The following LHFPL6 variants were observed in gnomAD, a reference collection of about 807,000 sequenced individuals.
The protein encoded by LHFPL6 is LHFPL tetraspan subfamily member 6 protein.
A neutral mutation model predicts 20.6 loss-of-function variants in LHFPL6; 9 were observed. The ratio of observed to expected loss-of-function variants is 0.44; its 90% CI spans 0.26 to 0.76. The LOEUF (loss-of-function observed/expected upper bound fraction) is 0.76. LHFPL6 is among the 30% of genes least tolerant of loss of function. The probability of loss-of-function intolerance (pLI) is 0.20; values close to 1 mark genes in which losing one functional copy is unlikely to be tolerated. For missense variants in LHFPL6, 218 were observed against 253.5 expected, an observed-to-expected ratio of 0.86 and a Z score of 0.95; for synonymous variants, 105 against 98.7, an observed-to-expected ratio of 1.06 and a Z score of -0.38.
At chr13:39,351,985 A>C (rs1323037592) in intron 3 of LHFPL6, among the ~76,000 whole-genome samples, 1 of 152,164 alleles carries the variant, frequency 6.6e-6, no homozygotes, top group East Asian at 1.9e-4. Context: ...GCTCAATTAA[A>C]CTCCTTTAAA....
At chr13:39,495,845 G>A (rs1364235065) in intron 2 of LHFPL6, among the ~76,000 whole-genome samples, 1 of 143,534 alleles carries the variant, frequency 7.0e-6, no homozygotes, top group Non-Finnish European at 1.5e-5. Flanking sequence ...CCAGGGTTGG[G>A]ACCAGCAGTG....
rs560351169 is a variant in LHFPL6 at position 39,538,806 on chromosome 13, T to C, written c.385+62026A>G. ...GCAACATTATTTTTGAGATATTCAATAAAGAAATTAGAAGTAAAATGTAAG... is the reference window on the plus strand; with the variant it reads ...GCAACATTATTTTTGAGATATTCAACAAAGAAATTAGAAGTAAAATGTAAG... On this transcript the variant is annotated intron_variant, in intron 2 of 3. Coordinates refer to ENST00000379589, the MANE Select transcript of LHFPL6 (RefSeq NM_005780.3). Among the ~76,000 whole-genome samples, 8 of 152,280 alleles carry C rather than the reference T, an allele frequency of 5.3e-5. No individual in the cohort carries two copies. In the South Asian group the frequency reaches 1.5e-3, roughly 28 times the overall value.
At chr13:39,563,546 G>A (rs963269504) in intron 2 of LHFPL6, among the ~76,000 whole-genome samples, 4 of 152,158 alleles carry the variant, frequency 2.6e-5, no homozygotes, top group Non-Finnish European at 4.4e-5. Context: ...AAGCTCACAA[G>A]TCAGCAGTAT....
chr13:39,478,335 T>C (rs1333469482), intron 2 of LHFPL6, among the ~76,000 whole-genome samples: 1 of 152,092 alleles, frequency 6.6e-6, no homozygotes, highest in Non-Finnish European at 1.5e-5. Context: ...TGCTAAATAC[T>C]GGAAATATAA....
chr13:39,545,640 G>T (rs1342919418), intron 2 of LHFPL6, among the ~76,000 whole-genome samples: 8 of 152,052 alleles, frequency 5.3e-5, no homozygotes. Context: ...TGAAGTCCTT[G>T]ATATGAAATG....
chr13:39,532,736 C>G (rs996568797), intron 2 of LHFPL6, among the ~76,000 whole-genome samples: 1 of 152,116 alleles, frequency 6.6e-6, no homozygotes, highest in East Asian at 1.9e-4. Context: ...GTCATTCCAA[C>G]TTATGTTTAG....
intron 2 of LHFPL6, among the ~76,000 whole-genome samples, chr13:39,405,580 C>A (rs558824054): frequency 7.2e-4 from 110 of 152,342 alleles, no homozygotes; most frequent in African/African-American, 2.6e-3. Context: ...CCACAAACTA[C>A]CATTCCTACA....
intron 3 of LHFPL6, among the ~76,000 whole-genome samples, chr13:39,363,632 C>T (rs1049448110): frequency 1.3e-5 from 2 of 152,118 alleles, no homozygotes; most frequent in African/African-American, 2.4e-5. Flanking sequence ...CAGGGCTTTC[C>T]CATGTCTCTT....
At chr13:39,407,950 G>T (rs1490857867) in intron 2 of LHFPL6, among the ~76,000 whole-genome samples, 1 of 152,154 alleles carries the variant, frequency 6.6e-6, no homozygotes, top group Non-Finnish European at 1.5e-5. Flanking sequence ...GGTGGCAGAC[G>T]CTGTCTGGGA....
At chr13:39,356,556 C>T (rs1355462206) in intron 3 of LHFPL6, among the ~76,000 whole-genome samples, 3 of 152,066 alleles carry the variant, frequency 2.0e-5, no homozygotes, top group African/African-American at 7.2e-5. Flanking sequence ...AAAATTCATA[C>T]AAAAGATCAA....
chr13:39,501,794 T>C (rs187665945), intron 2 of LHFPL6, among the ~76,000 whole-genome samples: 4 of 152,128 alleles, frequency 2.6e-5, no homozygotes, highest in Admixed American at 2.0e-4. Flanking sequence ...TTCAAAAGCT[T>C]GACAAGAGGC....
chr13:39,499,508 G>C (rs1869219540), intron 2 of LHFPL6, among the ~76,000 whole-genome samples: 1 of 152,140 alleles, frequency 6.6e-6, no homozygotes, highest in Non-Finnish European at 1.5e-5. Context: ...ATTTAAAACA[G>C]AACCAGCCCA....
intron 3 of LHFPL6, among the ~76,000 whole-genome samples, chr13:39,346,149 T>C (rs7318557): frequency 0.57 from 86,273 of 151,996 alleles, 25,174 homozygotes; most frequent in East Asian, 0.66. Context: ...GTAGTTAGCA[T>C]GTGCCCCAGG....
intron 2 of LHFPL6, among the ~76,000 whole-genome samples, chr13:39,563,801 A>C (rs1482792806): frequency 1.3e-5 from 2 of 152,182 alleles, no homozygotes; most frequent in Admixed American, 1.3e-4. Context: ...TTCAGGTCAT[A>C]AAGTGTACCA....
chr13:39,457,631 C>A (rs1472637010), intron 2 of LHFPL6, among the ~76,000 whole-genome samples: 2 of 152,112 alleles, frequency 1.3e-5, no homozygotes, highest in Admixed American at 1.3e-4. Context: ...CCTGTTTGCG[C>A]AAAGGCAAAA....
At chr13:39,399,639 C>T (rs1339673539) in intron 2 of LHFPL6, among the ~76,000 whole-genome samples, 5 of 152,184 alleles carry the variant, frequency 3.3e-5, no homozygotes, top group African/African-American at 7.2e-5. Flanking sequence ...ATAAAGATCA[C>T]GCTGTGGAAA....
At chr13:39,364,293 C>T (rs895114825) in intron 3 of LHFPL6, among the ~76,000 whole-genome samples, 2 of 152,126 alleles carry the variant, frequency 1.3e-5, no homozygotes, top group African/African-American at 4.8e-5. Context: ...CTCTGCACTT[C>T]CCCTCTTATC....
intron 2 of LHFPL6, among the ~76,000 whole-genome samples, chr13:39,523,441 C>T (rs1303320170): frequency 6.6e-6 from 1 of 151,398 alleles, no homozygotes; most frequent in East Asian, 1.9e-4. Flanking sequence ...AGGTGGCGGG[C>T]GCCTGTAGTC....
chr13:39,477,735 A>C (rs1258213745), intron 2 of LHFPL6, among the ~76,000 whole-genome samples: 5 of 152,232 alleles, frequency 3.3e-5, no homozygotes, highest in African/African-American at 1.2e-4. Flanking sequence ...TCTACTCCCT[A>C]GTCAAGTGAG....
Sources: allele counts gnomAD v4.1 joint callset (sites outside exome capture counted in the v4.1 genomes callset), GRCh38; gene constraint gnomAD v4.1.1; transcripts MANE v1.5; gene names NCBI Gene and HGNC (gene_info 2026-07-23, HGNC 2026-07-21).